Variants in SERGEF observed in about 807,000 individuals in gnomAD.
SERGEF encodes secretion-regulating guanine nucleotide exchange factor.
In SERGEF, 51 loss-of-function variants were observed where a neutral mutation model predicts 50.0. The ratio of observed to expected loss-of-function variants is 1.02; its 90% CI spans 0.81 to 1.29. The LOEUF (loss-of-function observed/expected upper bound fraction) is 1.29. SERGEF is among the 50% of genes most tolerant of loss of function. The pLI is 0.00. For missense variants in SERGEF, 521 were observed against 557.0 expected (o/e 0.94, Z 0.65); for synonymous variants, 205 against 212.4 (o/e 0.97, Z 0.30).
intron 9 of SERGEF, among the ~76,000 whole-genome samples, chr11:17,956,752 T>C (rs959355463): frequency 1.3e-5 from 2 of 152,124 alleles, no homozygotes; most frequent in African/African-American, 4.8e-5. Flanking sequence ...TAAAGGCAGT[T>C]GGTCAGCTAT....
chr11:17,827,882 G>A (rs1325968533), intron 10 of SERGEF, among the ~76,000 whole-genome samples: 1 of 152,188 alleles, frequency 6.6e-6, no homozygotes, highest in African/African-American at 2.4e-5. Context: ...TCAAAAAGTG[G>A]AAGAGCTTTT....
intron 9 of SERGEF, among the ~76,000 whole-genome samples, chr11:17,890,372 C>T (rs1423962364): frequency 6.6e-6 from 1 of 152,164 alleles, no homozygotes; most frequent in African/African-American, 2.4e-5. Flanking sequence ...TGCATTATAA[C>T]TAAAGACGCT....
intron 10 of SERGEF, among the ~76,000 whole-genome samples, chr11:17,812,076 G>A (rs1195642570): frequency 6.6e-6 from 1 of 152,186 alleles, no homozygotes; most frequent in Non-Finnish European, 1.5e-5. Context: ...TCTGCAGAAG[G>A]GGCAGGAGGC....
chr11:17,996,889 A>G (rs557285275), intron 5 of SERGEF, among the ~76,000 whole-genome samples: 1 of 152,314 alleles, frequency 6.6e-6, no homozygotes, highest in African/African-American at 2.4e-5. Context: ...AGAATATATA[A>G]AGAACTCCAA....
At chr11:17,993,182 C>G (rs1853757940) in intron 6 of SERGEF, among the ~76,000 whole-genome samples, 189 bp from the exon 7 acceptor site, 1 of 151,972 alleles carries the variant, frequency 6.6e-6, no homozygotes, top group South Asian at 2.1e-4. Flanking sequence ...GGAGATTGAA[C>G]AATCAAGTAA....
intron 9 of SERGEF, among the ~76,000 whole-genome samples, chr11:17,947,098 T>G (rs534021584): frequency 6.6e-6 from 1 of 152,318 alleles, no homozygotes; most frequent in South Asian, 2.1e-4. Context: ...AATCAAATAC[T>G]AATAGGTGAT....
intron 1 of SERGEF, among the ~76,000 whole-genome samples, chr11:18,009,241 C>A (rs1160592567): frequency 2.2e-4 from 34 of 152,088 alleles, no homozygotes; most frequent in Admixed American, 2.2e-3. Context: ...TATATGCTCC[C>A]ATATTTAGAT....
chr11:17,929,212 ATCTC>A (rs1852307318), intron 9 of SERGEF, among the ~76,000 whole-genome samples: 1 of 152,236 alleles, frequency 6.6e-6, no homozygotes, highest in Admixed American at 6.5e-5. Flanking sequence ...TGGTGCTGTC[ATCTC>A]TCATGCCCCC....
chr11:17,864,638 CAGTTCCAGGGCTG>C (rs1403342520), intron 10 of SERGEF, among the ~76,000 whole-genome samples: 1 of 152,132 alleles, frequency 6.6e-6, no homozygotes, highest in Non-Finnish European at 1.5e-5. Flanking sequence ...ACGAATATAT[CAGTTCCAGGGCTG>C]AGAAAGGCAA....
intron 9 of SERGEF, among the ~76,000 whole-genome samples, chr11:17,950,178 T>C (rs569950233): frequency 6.6e-6 from 1 of 152,150 alleles, no homozygotes; most frequent in Non-Finnish European, 1.5e-5. Flanking sequence ...CCTATAACAA[T>C]CATTTGCTCA....
chr11:17,816,213 G>A (rs150645222), intron 10 of SERGEF, among the ~76,000 whole-genome samples: 19 of 152,284 alleles, frequency 1.2e-4, no homozygotes, highest in African/African-American at 4.3e-4. Context: ...CTGAGAAAGG[G>A]GGAGTATTGT....
chr11:17,791,099 C>A lies in SERGEF; in HGVS notation c.1049-2686G>T, dbSNP rs538070414. 1.1e-3 allele frequency among the ~76,000 whole-genome samples: 168 copies of A among 152,326 alleles called. 2 individuals are homozygous for A. The highest frequency in any genetic ancestry group is 3.9e-3 in the African/African-American group (162 of 41,572). ...GGTTTATGGTGTCTTTTGTTATACA[C>A]ATTTACTTATAATGGCTGCCTAATT... On this transcript the variant is annotated intron_variant, in intron 10 of 10. Transcript: ENST00000265965.
At chr11:17,817,213 ATTT>A (rs36024602) in intron 10 of SERGEF, among the ~76,000 whole-genome samples, 14 of 135,130 alleles carry the variant, frequency 1.0e-4, no homozygotes, top group Non-Finnish European at 7.9e-5. Flanking sequence ...CTTTCCATGT[ATTT>A]TTTTTTTTTT....
At chr11:17,929,630 T>C (rs1852314986) in intron 9 of SERGEF, among the ~76,000 whole-genome samples, 2 of 152,240 alleles carry the variant, frequency 1.3e-5, no homozygotes, top group African/African-American at 4.8e-5. Context: ...GTTCCCATTA[T>C]ATGCCAGGCG....
chr11:18,007,846 G>T, intron 2 of SERGEF, 95 bp downstream of exon 2: 1 of 1,275,262 alleles, frequency 7.8e-7, no homozygotes, highest in Non-Finnish European at 1.1e-6. Context: ...ATTTTCCTCT[G>T]CAAAATACAA....
intron 10 of SERGEF, among the ~76,000 whole-genome samples, chr11:17,844,857 T>C (rs993496701): frequency 2.0e-5 from 3 of 151,576 alleles, no homozygotes; most frequent in South Asian, 2.1e-4. Context: ...GGAAGAAGAA[T>C]TGGGCCACAC....
intron 10 of SERGEF, among the ~76,000 whole-genome samples, chr11:17,853,088 T>G (rs184578883): frequency 6.6e-6 from 1 of 152,298 alleles, no homozygotes; most frequent in African/African-American, 2.4e-5. Context: ...TACTACTACA[T>G]AATTGTGTGA....
chr11:17,990,857 C>T (rs1853700183), intron 7 of SERGEF, among the ~76,000 whole-genome samples: 1 of 150,240 alleles, frequency 6.7e-6, no homozygotes, highest in African/African-American at 2.5e-5. Context: ...ACCTCCGTCA[C>T]CCGGGTTCAT....
At chr11:17,995,305 C>T (rs551950379) in intron 6 of SERGEF, among the ~76,000 whole-genome samples, 8 of 152,320 alleles carry the variant, frequency 5.3e-5, no homozygotes, top group Non-Finnish European at 1.0e-4. Flanking sequence ...GGAGAAGGAA[C>T]TGGCCATGCA....
Sources: gnomAD v4.1 joint callset for allele counts (sites outside exome capture counted in the v4.1 genomes callset) on GRCh38, gnomAD v4.1.1 for gene constraint, MANE v1.5 for transcripts, NCBI Gene and HGNC (gene_info 2026-07-23, HGNC 2026-07-21) for gene names.